Variants in AGPAT4 observed in about 807,000 individuals in gnomAD.
AGPAT4 encodes the protein 1-acylglycerol-3-phosphate O-acyltransferase 4, also known as 1-acyl-sn-glycerol-3-phosphate acyltransferase delta.
In AGPAT4, 15 loss-of-function variants were observed where a neutral mutation model predicts 48.0. The ratio of observed to expected loss-of-function variants is 0.31; its 90% confidence interval spans 0.21 to 0.48. The LOEUF (loss-of-function observed/expected upper bound fraction) is 0.48, where lower values mean the gene tolerates loss of function less well. Ranked by LOEUF, AGPAT4 falls within the 20% of genes least tolerant of loss-of-function variation. AGPAT4 has a pLI of 0.99. For synonymous variants in AGPAT4, 178 were observed against 198.7 expected (o/e 0.90, Z 0.88); for missense variants, 314 against 482.5 (o/e 0.65, Z 3.27).
At position 161,222,029 on chromosome 6, in the gene AGPAT4, C is replaced by T. The variant is rs1165045077; in HGVS notation, c.178+10007G>A. Among the ~76,000 whole-genome samples the T allele has an allele frequency of 6.6e-6, 1 of 152,218 alleles. No individual in the cohort carries two copies. The highest frequency in any genetic ancestry group is 1.5e-5 in the Non-Finnish European group (1 of 68,038). On this transcript the variant is annotated intron_variant, in intron 2 of 8. Coordinates refer to ENST00000320285, the MANE Select transcript of AGPAT4 (RefSeq NM_020133.3). The surrounding 1 kb of genome is among the most constrained non-coding windows in gnomAD (Gnocchi z 5.9). ...GCGTCCAGCTCTTTCCTCTCAGTTC[C>T]TTTCCACGAATGACTGCAATATTTG...
chr6:161,223,561 C>T lies in AGPAT4; in HGVS notation c.178+8475G>A, dbSNP rs1410635336. Among the ~76,000 whole-genome samples, 1 of 152,206 alleles carries T rather than the reference C, an allele frequency of 6.6e-6. No homozygotes were observed. The highest frequency in any genetic ancestry group is 2.4e-5 in the African/African-American group (1 of 41,448). On this transcript the variant is annotated intron_variant, in intron 2 of 8. Transcript: ENST00000320285. This position sits in a 1 kb window ranked among gnomAD's most constrained non-coding sequence, Gnocchi z 6.3. ...GAAAGGTTTAGCACAATGCTTAATA[C>T]ATAATCAACACGTGACAAATGTAGC...
Position 161,139,628 on chromosome 6 carries a change from A to C in AGPAT4, c.844-8T>G. The stretch of plus-strand genomic sequence containing the variant: ...CTCCTCCTGAAAGGCATCCTGGGGG[A>C]CAGGAAAGAGGACCCTCAGACGCCA... On this transcript the variant is annotated splice_region_variant and splice_polypyrimidine_tract_variant and intron_variant, in intron 7 of 8. Coordinates refer to ENST00000320285, the MANE Select transcript of AGPAT4 (RefSeq NM_020133.3). This position sits in a 1 kb window ranked among gnomAD's most constrained non-coding sequence, Gnocchi z 9.1. 6.3e-7 allele frequency: 1 copy of C among 1,592,682 alleles called. No individual in the cohort carries two copies. Among genetic ancestry groups the C allele is most frequent in the Non-Finnish European group, 8.6e-7 (1 of 1,165,138 alleles).
chr6:161,154,096 G>A lies in AGPAT4; in HGVS notation c.510+53C>T, dbSNP rs575322517. 2.9e-5 allele frequency: 47 copies of A among 1,611,568 alleles called. No homozygotes were observed. Among genetic ancestry groups the A allele is most frequent in the African/African-American group, 9.3e-5 (7 of 75,020 alleles). On this transcript the variant is annotated intron_variant, in intron 4 of 8. Transcript: ENST00000320285. This position sits in a 1 kb window ranked among gnomAD's most constrained non-coding sequence, Gnocchi z 7.8. ...TGTGGAAGTCACATGGGGGTCCCACGGTCACAGTCCTGCAGGAGCCCTTGG... is the reference window on the plus strand; with the variant it reads ...TGTGGAAGTCACATGGGGGTCCCACAGTCACAGTCCTGCAGGAGCCCTTGG...
At chr6:161,193,150 A>G (rs1780970156) in intron 2 of AGPAT4, among the ~76,000 whole-genome samples, 1 of 152,204 alleles carries the variant, frequency 6.6e-6, no homozygotes, top group Non-Finnish European at 1.5e-5. Context: ...CTGGAAGGAC[A>G]TACTTAATCT....
In AGPAT4 at chr6:161,217,249, A is replaced by T. The variant is rs905114787; in HGVS notation, c.178+14787T>A. 6.6e-6 allele frequency among the ~76,000 whole-genome samples: 1 copy of T among 152,154 alleles called. No individual in the cohort carries two copies. Among genetic ancestry groups the T allele is most frequent in the African/African-American group, 2.4e-5 (1 of 41,424 alleles). ...GAGCCAGGGACATGCTGAGCTGGAA[A>T]ACCTAGCCTTGGGTCAGAACTGGGC... is the stretch of plus-strand genomic sequence containing the variant. On this transcript the variant is annotated intron_variant, in intron 2 of 8. Transcript: ENST00000320285. The surrounding 1 kb of genome is among the most constrained non-coding windows in gnomAD (Gnocchi z 4.9).
At chr6:161,237,443 G>A (rs928831207) in intron 1 of AGPAT4, among the ~76,000 whole-genome samples, 3 of 152,200 alleles carry the variant, frequency 2.0e-5, no homozygotes, top group African/African-American at 4.8e-5. Flanking sequence ...CCACTTGGAT[G>A]TAAAAACTGA....
Position 161,219,942 on chromosome 6 carries a change from G to GA in AGPAT4, c.178+12093_178+12094insT, listed in dbSNP as rs1562344010. 1.2e-3 allele frequency among the ~76,000 whole-genome samples: 167 copies of GA among 142,344 alleles called. 1 individual carries two copies. Among genetic ancestry groups the GA allele is most frequent in the Middle Eastern group, 7.2e-3 (2 of 278 alleles). 93.4% of individuals were successfully genotyped at this position (142,344 alleles called of 152,430 possible). A position where few individuals can be genotyped will look rare whatever the true frequency, so the allele number is the denominator to read the frequency against. The stretch of plus-strand genomic sequence containing the variant: ...GGCAGGCAGGCAGGCAGGCAGGCAG[G>GA]CAGGCAGACAGACAGACAGACAGAC... On this transcript the variant is annotated intron_variant, in intron 2 of 8. Transcript: ENST00000320285. The surrounding 1 kb of genome is among the most constrained non-coding windows in gnomAD (Gnocchi z 4.9).
At position 161,142,365 on chromosome 6, in the gene AGPAT4, G is replaced by C. The variant is rs1175267605; in HGVS notation, c.844-2745C>G. Among the ~76,000 whole-genome samples the C allele has an allele frequency of 1.3e-5, 2 of 152,150 alleles. No homozygotes were observed. The highest frequency in any genetic ancestry group is 1.3e-4 in the Admixed American group (2 of 15,282). On this transcript the variant is annotated intron_variant, in intron 7 of 8. Transcript: ENST00000320285. This position sits in a 1 kb window ranked among gnomAD's most constrained non-coding sequence, Gnocchi z 6.4. ...CCCGTTTTGTAATAAAATTTGCCCC[G>C]CAGGGAAAGGACTCGTGTTTTTTGT...
chr6:161,139,681 G>A lies in AGPAT4; in HGVS notation c.844-61C>T, dbSNP rs1406610225. On this transcript the variant is annotated intron_variant, in intron 7 of 8. Coordinates refer to ENST00000320285, the MANE Select transcript of AGPAT4 (RefSeq NM_020133.3). This position sits in a 1 kb window ranked among gnomAD's most constrained non-coding sequence, Gnocchi z 9.1. ...CGGGGCTCGGTGGCAGGTCCCTCCC[G>A]AGGCCCTGCTTCCAAGGGAATCGCA... 6.2e-6 allele frequency: 9 copies of A among 1,445,844 alleles called. No homozygotes were observed. Among genetic ancestry groups the A allele is most frequent in the East Asian group, 2.3e-5 (1 of 43,452 alleles). 89.6% of individuals were successfully genotyped at this position (1,445,844 alleles called of 1,614,324 possible). A position where few individuals can be genotyped will look rare whatever the true frequency, so the allele number is the denominator to read the frequency against.
Position 161,184,250 on chromosome 6 carries a change from A to G in AGPAT4, c.179-17833T>C, listed in dbSNP as rs552528033. On this transcript the variant is annotated intron_variant, in intron 2 of 8. Transcript: ENST00000320285. This position sits in a 1 kb window ranked among gnomAD's most constrained non-coding sequence, Gnocchi z 4.8. ...GGTGGGCTCGGTGGGCATAGTGGAA[A>G]TGGTGAGAAATGATCATATTTAGGA... Among the ~76,000 whole-genome samples, 12 of 150,064 alleles carry G rather than the reference A, an allele frequency of 8.0e-5. No homozygotes were observed. The highest frequency in any genetic ancestry group is 2.6e-4 in the Admixed American group (4 of 15,102).
chr6:161,242,815 C>A lies in AGPAT4; in HGVS notation c.-89-10513G>T, dbSNP rs1163156117. ...GCCGGGCGCAGCGGCTCACACCTGT[C>A]ATCCCAGCACTTTGGGAGGGGGTGG... On this transcript the variant is annotated intron_variant, in intron 1 of 8. Transcript: ENST00000320285. This position sits in a 1 kb window ranked among gnomAD's most constrained non-coding sequence, Gnocchi z 5.0. Among the ~76,000 whole-genome samples the A allele has an allele frequency of 2.0e-5, 3 of 152,180 alleles. No homozygotes were observed. Among genetic ancestry groups the A allele is most frequent in the East Asian group, 3.9e-4 (2 of 5,190 alleles).
At chr6:161,156,306 C>T (rs143599317) in intron 3 of AGPAT4, among the ~76,000 whole-genome samples, 3 of 152,338 alleles carry the variant, frequency 2.0e-5, no homozygotes, top group East Asian at 3.9e-4. Context: ...TGTGGCCACA[C>T]AGCCTCTTGT....
chr6:161,271,333 ATTC>A (rs2114767719), intron 1 of AGPAT4, among the ~76,000 whole-genome samples: 1 of 152,250 alleles, frequency 6.6e-6, no homozygotes, highest in African/African-American at 2.4e-5. Context: ...ACTCTCTAGT[ATTC>A]TTCTCATACT....
In AGPAT4 at chr6:161,217,547, A is replaced by G. The variant is rs1442314690; in HGVS notation, c.178+14489T>C. The stretch of plus-strand genomic sequence containing the variant: ...AATCCAGTATGAAGGCATTGGCGTT[A>G]TGCCTGCATTTTCTCTCACTAATCA... On this transcript the variant is annotated intron_variant, in intron 2 of 8. Coordinates refer to ENST00000320285, the MANE Select transcript of AGPAT4 (RefSeq NM_020133.3). This position sits in a 1 kb window ranked among gnomAD's most constrained non-coding sequence, Gnocchi z 4.9. Among the ~76,000 whole-genome samples, 1 of 152,204 alleles carries G rather than the reference A, an allele frequency of 6.6e-6. No individual in the cohort carries two copies. The highest frequency in any genetic ancestry group is 6.5e-5 in the Admixed American group (1 of 15,280).
intron 2 of AGPAT4, among the ~76,000 whole-genome samples, chr6:161,176,740 G>T (rs1479150444): frequency 6.6e-6 from 1 of 152,130 alleles, no homozygotes; most frequent in South Asian, 2.1e-4. Flanking sequence ...TAGGATCGAT[G>T]GTCTTTACAA....
rs1158864869 is a variant in AGPAT4 at position 161,235,248 on chromosome 6, C to A, written c.-89-2946G>T. Among the ~76,000 whole-genome samples the A allele has an allele frequency of 6.6e-6, 1 of 152,180 alleles. No homozygotes were observed. The highest frequency in any genetic ancestry group is 1.5e-5 in the Non-Finnish European group (1 of 68,038). ...GTAAAAAGGGACAACAGATTCTAAT[C>A]AAAATCCCAGGGAGGCTATTGCTTT... On this transcript the variant is annotated intron_variant, in intron 1 of 8. Transcript: ENST00000320285. The surrounding 1 kb of genome is among the most constrained non-coding windows in gnomAD (Gnocchi z 6.2).
At chr6:161,194,609 T>C (rs772001445) in intron 2 of AGPAT4, among the ~76,000 whole-genome samples, 1 of 151,114 alleles carries the variant, frequency 6.6e-6, no homozygotes, top group African/African-American at 2.4e-5. Context: ...TGTGTGTCTA[T>C]GTATGTGTAC....
rs2078041117 is a variant in AGPAT4, at chr6:161,267,965, A to C, written c.-90+5973T>G. Among the ~76,000 whole-genome samples, 1 of 152,154 alleles carries C rather than the reference A, an allele frequency of 6.6e-6. No individual in the cohort carries two copies. The highest frequency in any genetic ancestry group is 2.4e-5 in the African/African-American group (1 of 41,430). On this transcript the variant is annotated intron_variant, in intron 1 of 8. Coordinates refer to ENST00000320285, the MANE Select transcript of AGPAT4 (RefSeq NM_020133.3). This position sits in a 1 kb window ranked among gnomAD's most constrained non-coding sequence, Gnocchi z 5.2. The stretch of plus-strand genomic sequence containing the variant: ...CCAGGCTCTGCACTGGGCATGGGAG[A>C]CAGACTGTGGAATATGCCATGGCAA...
At chr6:161,179,208 C>T (rs575038477) in intron 2 of AGPAT4, among the ~76,000 whole-genome samples, 14 of 152,308 alleles carry the variant, frequency 9.2e-5, no homozygotes, top group Middle Eastern at 3.4e-3. Context: ...TTACTGAGTT[C>T]GTTTCCAACA....
Sources: allele counts gnomAD v4.1 joint callset (sites outside exome capture counted in the v4.1 genomes callset), GRCh38; gene constraint gnomAD v4.1.1; non-coding constraint Gnocchi (gnomAD v3.1); transcripts MANE v1.5; gene names NCBI Gene and HGNC (gene_info 2026-07-23, HGNC 2026-07-21).